TLE1: variants seen among roughly 807,000 people sequenced by gnomAD.
TLE1 encodes the protein TLE family member 1, transcriptional corepressor.
In TLE1, 21 loss-of-function variants were observed where a neutral mutation model predicts 89.8. The observed-to-expected ratio is 0.23, with a 90% CI of 0.17 to 0.34. The LOEUF is 0.34. TLE1 is among the 10% of genes least tolerant of loss of function. The probability of loss-of-function intolerance (pLI) is 1.00; values close to 1 mark genes in which losing one functional copy is unlikely to be tolerated. For missense variants in TLE1, 795 were observed against 1,031.2 expected (o/e 0.77, Z 3.14); for synonymous variants, 447 against 407.6 (o/e 1.10, Z -1.16).
Position 81,593,066 on chromosome 9 carries a change from G to A in TLE1, c.1540C>T (p.His514Tyr). The stretch of plus-strand genomic sequence containing the variant: ...GAGACAGGGCTCTTATTGCCAGGGT[G>A]GCTGATGTCCCAGACCTTGACGCAG... ...KGCVKVWDIS[H>Y]PGNKSPVSQL... Residue 514 changes from histidine to tyrosine, a missense_variant, in exon 15 of 20, where the codon CAC (histidine) becomes TAC (tyrosine). By Grantham distance (83) the His-to-Tyr change is moderately conservative (BLOSUM62 2). This residue lies in a region of TLE1 where 214 missense variants were observed against 354.9 expected (regional missense o/e 0.60). Coordinates refer to ENST00000376499, the MANE Select transcript of TLE1 (RefSeq NM_005077.5). 1.9e-6 allele frequency: 3 copies of A among 1,613,952 alleles called. No individual in the cohort carries two copies. Among genetic ancestry groups the A allele is most frequent in the South Asian group, 2.2e-5 (2 of 91,074 alleles).
chr9:81,653,817 A>G (rs1397747188), intron 5 of TLE1, among the ~76,000 whole-genome samples, 157 bp downstream of exon 5: 4 of 152,178 alleles, frequency 2.6e-5, no homozygotes, highest in Non-Finnish European at 4.4e-5. Flanking sequence ...GTGCCCTCAG[A>G]TGTGTTGGAT....
chr9:81,646,436 T>C (rs1828874501), intron 6 of TLE1, among the ~76,000 whole-genome samples: 1 of 152,230 alleles, frequency 6.6e-6, no homozygotes, highest in Admixed American at 6.5e-5. Flanking sequence ...GATCCATGTT[T>C]GTTGTAGCTA....
intron 4 of TLE1, among the ~76,000 whole-genome samples, chr9:81,674,873 C>T (rs547036255): frequency 2.8e-4 from 43 of 152,192 alleles, no homozygotes; most frequent in South Asian, 6.2e-4. Flanking sequence ...TGTACATGGA[C>T]GCCAGGTGTG....
chr9:81,673,269 A>AT (rs1193052676), intron 4 of TLE1, among the ~76,000 whole-genome samples: 8 of 69,140 alleles, frequency 1.2e-4, no homozygotes, highest in African/African-American at 5.0e-4. Flanking sequence ...GCGAGACTTC[A>AT]TTTAAAAAAA....
At position 81,593,046 on chromosome 9, in the gene TLE1, A is replaced by G. The variant is rs1829762947; in HGVS notation, c.1560T>C (p.Pro520=). ...WDISHPGNKS[P]VSQLDCLNRD... ...TCACCAGACAGTCGAGCTGGGAGAC[A>G]GGGCTCTTATTGCCAGGGTGGCTGA... The change falls in exon 15 of 20, where the codon CCT becomes CCC. Residue 520 remains proline, a synonymous_variant. Transcript: ENST00000376499. 1.2e-6 allele frequency: 2 copies of G among 1,613,444 alleles called. No individual in the cohort carries two copies. The highest frequency in any genetic ancestry group is 1.7e-6 in the Non-Finnish European group (2 of 1,179,532).
chr9:81,683,281 CTGA>C (rs1833852015), intron 4 of TLE1, among the ~76,000 whole-genome samples: 1 of 151,106 alleles, frequency 6.6e-6, no homozygotes, highest in Admixed American at 6.6e-5. Context: ...TTTGTGTCCC[CTGA>C]TGATGCCTTG....
At chr9:81,629,603 C>A (rs866983113) in intron 8 of TLE1, among the ~76,000 whole-genome samples, 4 of 152,294 alleles carry the variant, frequency 2.6e-5, no homozygotes, top group Non-Finnish European at 4.4e-5. Context: ...TGTAAGAAAG[C>A]CATGTCAGGC....
intron 4 of TLE1, among the ~76,000 whole-genome samples, chr9:81,676,595 C>T (rs1229605082): frequency 1.3e-5 from 2 of 152,076 alleles, no homozygotes; most frequent in East Asian, 3.9e-4. Flanking sequence ...GAAGCAGTGG[C>T]CAAGACAGGA....
intron 16 of TLE1, among the ~76,000 whole-genome samples, chr9:81,588,758 C>T (rs1829007733): frequency 6.6e-6 from 1 of 152,026 alleles, no homozygotes; most frequent in African/African-American, 2.4e-5. Context: ...CCAGAAAAGG[C>T]GAGCAAAGTC....
At chr9:81,606,377 T>C (rs911899401) in intron 14 of TLE1, among the ~76,000 whole-genome samples, 6 of 152,128 alleles carry the variant, frequency 3.9e-5, no homozygotes, top group African/African-American at 1.4e-4. Flanking sequence ...AACCCAAATG[T>C]CCATCAATGA....
Position 81,616,004 on chromosome 9 carries a change from A to AAAG in TLE1, c.893_895dup (p.Ser298dup). 1 of 1,613,836 alleles carries AAAG rather than the reference A, an allele frequency of 6.2e-7. No individual in the cohort carries two copies. Among genetic ancestry groups the AAAG allele is most frequent in the South Asian group, 1.1e-5 (1 of 90,994 alleles). On this transcript the variant is annotated inframe_insertion, in exon 11 of 20. Transcript: ENST00000376499. ...TACCAAGCTCATTTCTTTGGATTTCAAAGAAGTGGAACTTGCCGAGGAGGC... is the reference window on the plus strand; with the variant it reads ...TACCAAGCTCATTTCTTTGGATTTCAAAGAAGAAGTGGAACTTGCCGAGGAGGC...
At chr9:81,636,326 C>T (rs1301453363) in intron 6 of TLE1, among the ~76,000 whole-genome samples, 1 of 151,894 alleles carries the variant, frequency 6.6e-6, no homozygotes, top group Non-Finnish European at 1.5e-5. Flanking sequence ...TGCTCATTAG[C>T]ACTTAATTAG....
intron 2 of TLE1, among the ~76,000 whole-genome samples, chr9:81,686,893 G>A (rs1834358901): frequency 6.6e-6 from 1 of 152,112 alleles, no homozygotes; most frequent in African/African-American, 2.4e-5. Flanking sequence ...TAAGCATCTA[G>A]CCTTCCTTAA....
In TLE1 at chr9:81,608,735, A is replaced by C. The variant is rs976653920; in HGVS notation, c.1331+1485T>G. Reference sequence around the variant, plus strand: ...GCAGATCAGCTGAGGTCAGGAGTTCAAAACCAGCCTGACCAATATGATGAA... The same window carrying C: ...GCAGATCAGCTGAGGTCAGGAGTTCCAAACCAGCCTGACCAATATGATGAA... On this transcript the variant is annotated intron_variant, in intron 14 of 19. Transcript: ENST00000376499. 5.1e-4 allele frequency among the ~76,000 whole-genome samples: 77 copies of C among 152,212 alleles called. 1 individual carries two copies. The highest frequency in any genetic ancestry group is 1.7e-3 in the African/African-American group (71 of 41,540).
At chr9:81,652,439 A>C in intron 5 of TLE1, 151 bp from the exon 6 acceptor site, 1 of 604,486 alleles carries the variant, frequency 1.7e-6, no homozygotes, top group South Asian at 2.4e-5. Context: ...TTTTCACAGA[A>C]CATAGATAGG....
intron 10 of TLE1, 110 bp downstream of exon 10, chr9:81,616,536 C>CA (rs2132126680): frequency 9.0e-7 from 1 of 1,107,454 alleles, no homozygotes; most frequent in Non-Finnish European, 1.3e-6. Context: ...TAAGAAGTTG[C>CA]AAGAGGTCCC....
intron 6 of TLE1, among the ~76,000 whole-genome samples, chr9:81,644,593 C>A (rs764897862): frequency 1.3e-5 from 2 of 152,154 alleles, no homozygotes; most frequent in Non-Finnish European, 1.5e-5. Context: ...GTAATGAATA[C>A]GGAGTTTCTT....
chr9:81,622,221 G>A (rs138279138), intron 8 of TLE1, among the ~76,000 whole-genome samples: 6 of 152,156 alleles, frequency 3.9e-5, no homozygotes, highest in Admixed American at 2.0e-4. Flanking sequence ...CTTCAGCCCC[G>A]AGGTCTCCTC....
chr9:81,641,831 C>A (rs1828161153), intron 6 of TLE1, among the ~76,000 whole-genome samples: 1 of 152,054 alleles, frequency 6.6e-6, no homozygotes, highest in African/African-American at 2.4e-5. Context: ...GAGACCAGCC[C>A]AACCAACATG....
Sources: allele counts gnomAD v4.1 joint callset (sites outside exome capture counted in the v4.1 genomes callset), GRCh38; gene constraint gnomAD v4.1.1; regional missense constraint gnomAD v4.1.1; transcripts MANE v1.5; gene names NCBI Gene and HGNC (gene_info 2026-07-23, HGNC 2026-07-21).